The following GTF2I variants were observed in gnomAD, a reference collection of about 807,000 sequenced individuals.
GTF2I encodes general transcription factor IIi.
In GTF2I, 12 loss-of-function variants were observed where a neutral mutation model predicts 67.6. The observed-to-expected ratio is 0.18, with a 90% CI of 0.11 to 0.29. The LOEUF is 0.29. Ranked by LOEUF, GTF2I falls within the 10% of genes least tolerant of loss-of-function variation. The pLI is 1.00. For missense variants in GTF2I, 271 were observed against 580.1 expected (o/e 0.47, Z 5.47); for synonymous variants, 149 against 197.0 (o/e 0.76, Z 2.04).
At chr7:74,694,626 G>A (rs1470754744) in intron 3 of GTF2I, among the ~76,000 whole-genome samples, 1 of 152,136 alleles carries the variant, frequency 6.6e-6, no homozygotes, top group Admixed American at 6.6e-5. Context: ...ACATAAAAGT[G>A]CAAGGTAAAG....
Position 74,707,720 on chromosome 7 carries a change from A to T in GTF2I, c.685+1287A>T, listed in dbSNP as rs1790930560. Reference sequence around the variant, plus strand: ...GTTTTCAGTAGATTGTGCCAAAAAAAATCATCATTTTGCAAATGTTTCCCC... The same window carrying T: ...GTTTTCAGTAGATTGTGCCAAAAAATATCATCATTTTGCAAATGTTTCCCC... On this transcript the variant is annotated intron_variant, in intron 8 of 34. Coordinates refer to ENST00000573035, the MANE Select transcript of GTF2I (RefSeq NM_032999.4). Among the ~76,000 whole-genome samples, 4 of 152,346 alleles carry T rather than the reference A, an allele frequency of 2.6e-5. No individual in the cohort carries two copies. In the South Asian group the frequency reaches 8.3e-4, roughly 32 times the overall value.
At chr7:74,710,368 C>T (rs1451570335) in intron 8 of GTF2I, among the ~76,000 whole-genome samples, 2 of 152,098 alleles carry the variant, frequency 1.3e-5, no homozygotes, top group African/African-American at 2.4e-5. Context: ...CCGTGTCACC[C>T]AGGCTGGAGT....
At chr7:74,689,347 A>ATTT in intron 2 of GTF2I, 120 bp downstream of exon 2, 1 of 298,144 alleles carries the variant, frequency 3.4e-6, no homozygotes, top group Non-Finnish European at 5.7e-6. Flanking sequence ...CTTTTTCTTT[A>ATTT]CTTTTTTTTT....
At chr7:74,666,524 C>CG (rs1319315115) in intron 1 of GTF2I, among the ~76,000 whole-genome samples, 2 of 54,588 alleles carry the variant, frequency 3.7e-5, no homozygotes, top group Non-Finnish European at 6.7e-5. Context: ...TCTTCGTTTT[C>CG]CCCCCCGGTA....
chr7:74,680,099 A>AAAAAAAAAAAAAATAT, intron 1 of GTF2I, among the ~76,000 whole-genome samples: 3 of 95,002 alleles, frequency 3.2e-5, no homozygotes, highest in African/African-American at 1.2e-4. Flanking sequence ...AAAAAAAAAA[A>AAAAAAAAAAAAAATAT]ATATATATAT....
intron 25 of GTF2I, 46 bp downstream of exon 25, chr7:74,749,136 ATGGGAGTAGGAGGG>A (rs1795640498): frequency 6.1e-6 from 2 of 327,874 alleles, no homozygotes; most frequent in Non-Finnish European, 1.1e-5. Flanking sequence ...GGGTGCCTTC[ATGGGAGTAGGAGGG>A]AGCAGAGTGG....
Position 74,699,052 on chromosome 7 carries a change from A to G in GTF2I, c.330A>G (p.Glu110=). The change falls in exon 4 of 35, where the codon GAA becomes GAG. Residue 110 remains glutamate, a synonymous_variant. Coordinates refer to ENST00000573035, the MANE Select transcript of GTF2I (RefSeq NM_032999.4). The part of the protein sequence containing the change: ...NRMSVDAVEI[E]TLRKTVEDYF... ...TGAGTGTAGATGCTGTAGAAATTGA[A>G]ACACTCAGAAAAACAGTTGAGGACT... 1 of 1,542,526 alleles carries G rather than the reference A, an allele frequency of 6.5e-7. No homozygotes were observed. The highest frequency in any genetic ancestry group is 8.8e-7 in the Non-Finnish European group (1 of 1,141,212).
At chr7:74,672,998 C>T (rs1245820414) in intron 1 of GTF2I, among the ~76,000 whole-genome samples, 1 of 151,706 alleles carries the variant, frequency 6.6e-6, no homozygotes, top group Admixed American at 6.6e-5. Context: ...GTAGCTGGGA[C>T]TACAGGCGCG....
chr7:74,695,154 G>GC (rs1249481082), intron 3 of GTF2I, among the ~76,000 whole-genome samples: 3 of 152,150 alleles, frequency 2.0e-5, no homozygotes, highest in Non-Finnish European at 2.9e-5. Context: ...TTTTGAGACA[G>GC]AGTTTTGCTC....
At chr7:74,719,733 A>G (rs969571793) in intron 12 of GTF2I, among the ~76,000 whole-genome samples, 6 of 152,154 alleles carry the variant, frequency 3.9e-5, no homozygotes, top group Non-Finnish European at 5.9e-5. Flanking sequence ...CAGCCTGACC[A>G]GCATGGTGAA....
chr7:74,729,735 C>T (rs1363024066), intron 13 of GTF2I, among the ~76,000 whole-genome samples: 4 of 143,782 alleles, frequency 2.8e-5, no homozygotes, highest in Non-Finnish European at 4.6e-5. Context: ...GCCTCAGCCT[C>T]CCAAAGTGCT....
intron 2 of GTF2I, among the ~76,000 whole-genome samples, chr7:74,690,227 A>G (rs1396736841): frequency 1.3e-5 from 2 of 151,828 alleles, no homozygotes; most frequent in South Asian, 2.1e-4. Flanking sequence ...AAAAAAAAAG[A>G]AAAAGATGCC....
chr7:74,700,663 C>T, intron 6 of GTF2I, 29 bp downstream of exon 6: 1 of 1,606,242 alleles, frequency 6.2e-7, no homozygotes, highest in Non-Finnish European at 8.5e-7. Flanking sequence ...TCCTTGATAG[C>T]TGGCTGGCCT....
intron 9 of GTF2I, among the ~76,000 whole-genome samples, chr7:74,713,118 C>T (rs1390199199): frequency 6.6e-6 from 1 of 151,816 alleles, no homozygotes; most frequent in Non-Finnish European, 1.5e-5. Flanking sequence ...AAATATGGGA[C>T]ATTAAAATAA....
intron 1 of GTF2I, among the ~76,000 whole-genome samples, chr7:74,663,067 A>T (rs1804662775): frequency 6.6e-6 from 1 of 151,932 alleles, no homozygotes; most frequent in East Asian, 1.9e-4. Flanking sequence ...TAAACACTTA[A>T]CCTTTTCTGT....
chr7:74,723,369 C>T (rs931893328), intron 12 of GTF2I, among the ~76,000 whole-genome samples: 9 of 150,532 alleles, frequency 6.0e-5, no homozygotes, highest in Admixed American at 4.6e-4. Flanking sequence ...CCTCGTGATC[C>T]GCCCACCTCA....
chr7:74,691,279 T>C lies in GTF2I; in HGVS notation c.238+168T>C, dbSNP rs587624208. ...TGGAGTGCAGTGGCACACTCTTGGC[T>C]CACCACAACCCCCGCTGCGTGAGTT... is the stretch of plus-strand genomic sequence containing the variant. On this transcript the variant is annotated intron_variant, in intron 3 of 34. Coordinates refer to ENST00000573035, the MANE Select transcript of GTF2I (RefSeq NM_032999.4). Among the ~76,000 whole-genome samples, 49 of 151,830 alleles carry C rather than the reference T, an allele frequency of 3.2e-4. No individual in the cohort carries two copies. The East Asian group carries it at 8.3e-3, about 26-fold the overall frequency.
chr7:74,660,267 G>C (rs1041823925), intron 1 of GTF2I, among the ~76,000 whole-genome samples: 1 of 150,420 alleles, frequency 6.6e-6, no homozygotes. Context: ...TTCGCTCACT[G>C]CAACCTCCAC....
chr7:74,671,897 T>C (rs1195870634), intron 1 of GTF2I, among the ~76,000 whole-genome samples: 1 of 151,844 alleles, frequency 6.6e-6, no homozygotes, highest in Admixed American at 6.6e-5. Flanking sequence ...GGTGGGAGGA[T>C]TGCTTGAGCC....
Sources: allele counts gnomAD v4.1 joint callset (sites outside exome capture counted in the v4.1 genomes callset), GRCh38; gene constraint gnomAD v4.1.1; transcripts MANE v1.5; gene names NCBI Gene and HGNC (gene_info 2026-07-23, HGNC 2026-07-21).